The following TSPO variants were observed in gnomAD, a reference collection of about 807,000 sequenced individuals.
The protein encoded by TSPO is benzodiazepine peripheral binding site.
Under a neutral mutation model 13.9 loss-of-function variants are expected in TSPO, and 14 were observed. The ratio of observed to expected loss-of-function variants is 1.01; its 90% CI spans 0.67 to 1.58. The LOEUF (loss-of-function observed/expected upper bound fraction) is 1.58. Ranked by LOEUF, TSPO falls within the 40% of genes most tolerant of loss-of-function variation. The probability of loss-of-function intolerance (pLI) is 0.00; values close to 1 mark genes in which losing one functional copy is unlikely to be tolerated. For missense variants in TSPO, 232 were observed against 229.6 expected, an observed-to-expected ratio of 1.01 and a Z score of -0.07; for synonymous variants, 114 against 105.9, an observed-to-expected ratio of 1.08 and a Z score of -0.47.
At chr22:43,154,965 G>A (rs756757951) in intron 1 of TSPO, among the ~76,000 whole-genome samples, 2 of 152,128 alleles carry the variant, frequency 1.3e-5, no homozygotes, top group African/African-American at 2.4e-5. Flanking sequence ...CCGTTCAGAG[G>A]TGGGGTGGAG....
At chr22:43,162,692 G>A (rs1931480844) in intron 3 of TSPO, 111 bp from the exon 4 acceptor site, 2 of 1,104,372 alleles carry the variant, frequency 1.8e-6, no homozygotes, top group African/African-American at 1.6e-5. Flanking sequence ...TGGAGTGGGG[G>A]TGAGTGAGGC....
At position 43,162,882 on chromosome 22, in the gene TSPO, C is replaced by G; in HGVS notation, c.401C>G (p.Ala134Gly). The change falls in exon 4 of 4, where the codon GCC becomes GGC. Residue 134 changes from alanine to glycine, a missense_variant. Physicochemically the swap from Ala to Gly is moderately conservative, Grantham distance 60. Coordinates refer to ENST00000337554, the MANE Select transcript of TSPO (RefSeq NM_000714.6). ...TGGTACCAGGTGAGCCCGCTGGCCG[C>G]CCGCCTGCTCTACCCCTACCTGGCC... The part of the protein sequence containing the change: ...VAWYQVSPLA[A>G]RLLYPYLAWL... 1 of 1,579,824 alleles carries G rather than the reference C, an allele frequency of 6.3e-7. No individual in the cohort carries two copies. The highest frequency in any genetic ancestry group is 8.6e-7 in the Non-Finnish European group (1 of 1,163,868).
chr22:43,152,963 A>G (rs1199498120), intron 1 of TSPO, among the ~76,000 whole-genome samples: 34 of 110,352 alleles, frequency 3.1e-4, no homozygotes. Flanking sequence ...TTGGGCTCGC[A>G]GGGAGGGAGC....
At chr22:43,159,739 G>A (rs1313389691) in intron 2 of TSPO, 4 of 298,322 alleles carry the variant, frequency 1.3e-5, no homozygotes, top group Non-Finnish European at 1.2e-5. Flanking sequence ...AACAACGGCA[G>A]CAACAGCCCC....
chr22:43,161,256 C>A (rs1325659821), intron 3 of TSPO, 66 bp downstream of exon 3: 1 of 1,560,330 alleles, frequency 6.4e-7, no homozygotes, highest in African/African-American at 1.4e-5. Context: ...TGGGGCATCA[C>A]ATATGACACT....
intron 1 of TSPO, among the ~76,000 whole-genome samples, chr22:43,152,419 G>A (rs960730434): frequency 2.0e-5 from 3 of 152,268 alleles, no homozygotes; most frequent in Non-Finnish European, 2.9e-5. Flanking sequence ...CAGGCAGGGC[G>A]AGGATATCAG....
chr22:43,160,783 C>T (rs1181325592), intron 2 of TSPO, among the ~76,000 whole-genome samples: 1 of 152,220 alleles, frequency 6.6e-6, no homozygotes, highest in Admixed American at 6.5e-5. Flanking sequence ...CATGTGCTTC[C>T]CTTTCATAGC....
At chr22:43,154,984 G>C (rs934881098) in intron 1 of TSPO, among the ~76,000 whole-genome samples, 1 of 152,028 alleles carries the variant, frequency 6.6e-6, no homozygotes, top group Non-Finnish European at 1.5e-5. Context: ...AGTGGCCTGC[G>C]GGTCCAATCC....
chr22:43,161,740 G>A (rs1254108915), intron 3 of TSPO, among the ~76,000 whole-genome samples: 1 of 152,096 alleles, frequency 6.6e-6, no homozygotes, highest in Non-Finnish European at 1.5e-5. Flanking sequence ...GACCTCAGGT[G>A]ATCTACCCGC....
rs746491832 is a variant in TSPO at position 43,163,057 on chromosome 22, G to A, written c.*66G>A. The A allele has an allele frequency of 1.0e-5, 16 of 1,559,468 alleles. No homozygotes were observed. The South Asian group carries it at 1.4e-4, about 14-fold the overall frequency. On this transcript the variant is annotated 3_prime_UTR_variant, in exon 4 of 4. Transcript: ENST00000337554. ...CCATCACGCTTGTGATGTGGTGGCC[G>A]TCACGCTTTCATGACCACTGGGCCT...
Position 43,163,051 on chromosome 22 carries a change from G to A in TSPO, c.*60G>A. ...CAGGTGCCATCACGCTTGTGATGTG[G>A]TGGCCGTCACGCTTTCATGACCACT... On this transcript the variant is annotated 3_prime_UTR_variant, in exon 4 of 4. Coordinates refer to ENST00000337554, the MANE Select transcript of TSPO (RefSeq NM_000714.6). 2 of 1,564,364 alleles carry A rather than the reference G, an allele frequency of 1.3e-6. No homozygotes were observed. The highest frequency in any genetic ancestry group is 1.7e-6 in the Non-Finnish European group (2 of 1,154,880).
At position 43,162,977 on chromosome 22, in the gene TSPO, C is replaced by CG; in HGVS notation, c.498dup (p.Leu167AlafsTer31). On this transcript the variant is annotated frameshift_variant, in exon 4 of 4. Coordinates refer to ENST00000337554, the MANE Select transcript of TSPO (RefSeq NM_000714.6). LOFTEE classifies it high-confidence loss of function. Reference sequence around the variant, plus strand: ...CAACCATGGCTGGCGTGGGGGACGGCGGCTGCCAGAGTGAGTGCCCGGCCC... The same window carrying CG: ...CAACCATGGCTGGCGTGGGGGACGGCGGGCTGCCAGAGTGAGTGCCCGGCCC... 6.3e-7 allele frequency: 1 copy of CG among 1,582,406 alleles called. No individual in the cohort carries two copies. Among genetic ancestry groups the CG allele is most frequent in the South Asian group, 1.1e-5 (1 of 87,112 alleles).
intron 2 of TSPO, among the ~76,000 whole-genome samples, chr22:43,159,914 G>A (rs951894909): frequency 2.0e-5 from 3 of 152,170 alleles, no homozygotes; most frequent in South Asian, 4.1e-4. Context: ...GAATAGACCA[G>A]GGGAATTCCA....
intron 1 of TSPO, among the ~76,000 whole-genome samples, chr22:43,158,341 G>A (rs985325848): frequency 6.6e-6 from 1 of 152,200 alleles, no homozygotes; most frequent in Non-Finnish European, 1.5e-5. Context: ...GCCCCCCTGG[G>A]TCCTAGCCCT....
chr22:43,162,936 A>T lies in TSPO; in HGVS notation c.455A>T (p.Tyr152Phe). Residue 152 changes from tyrosine (Y) to phenylalanine (F), a missense_variant, in exon 4 of 4, where the codon TAC becomes TTC. Transcript: ENST00000337554. The stretch of plus-strand genomic sequence containing the variant: ...CTGGCCTTCACGACCACACTCAACT[A>T]CTGCGTATGGCGGGACAACCATGGC... ...AWLAFTTTLN[Y>F]CVWRDNHGWR... 1 of 1,599,954 alleles carries T rather than the reference A, an allele frequency of 6.3e-7. No individual in the cohort carries two copies. Among genetic ancestry groups the T allele is most frequent in the Non-Finnish European group, 8.5e-7 (1 of 1,173,584 alleles).
chr22:43,154,983 C>T (rs1425279290), intron 1 of TSPO, among the ~76,000 whole-genome samples: 7 of 151,982 alleles, frequency 4.6e-5, no homozygotes, highest in Non-Finnish European at 7.4e-5. Flanking sequence ...GAGTGGCCTG[C>T]GGGTCCAATC....
intron 2 of TSPO, among the ~76,000 whole-genome samples, chr22:43,160,570 C>T (rs1048819964): frequency 6.6e-6 from 1 of 152,144 alleles, no homozygotes; most frequent in East Asian, 1.9e-4. Context: ...CCTGTGTTAA[C>T]AGCTCCCATG....
At chr22:43,154,712 C>A (rs1931196825) in intron 1 of TSPO, among the ~76,000 whole-genome samples, 1 of 152,132 alleles carries the variant, frequency 6.6e-6, no homozygotes, top group African/African-American at 2.4e-5. Flanking sequence ...CTGAAACCCA[C>A]TGGCTCGACC....
chr22:43,160,350 G>C (rs971228915), intron 2 of TSPO, among the ~76,000 whole-genome samples: 1 of 152,218 alleles, frequency 6.6e-6, no homozygotes, highest in Non-Finnish European at 1.5e-5. Flanking sequence ...CTCTGGCCCT[G>C]GCTGACCAGA....
Sources: gnomAD v4.1 joint callset for allele counts (sites outside exome capture counted in the v4.1 genomes callset) on GRCh38, gnomAD v4.1.1 for gene constraint, MANE v1.5 for transcripts, NCBI Gene and HGNC (gene_info 2026-07-23, HGNC 2026-07-21) for gene names.